Variants in DICER1 observed in about 807,000 individuals in gnomAD.
DICER1 encodes the protein dicer 1, ribonuclease III.
In DICER1, 43 loss-of-function variants were observed where a neutral mutation model predicts 194.1. That is an observed-to-expected ratio of 0.22 (90% CI 0.17 to 0.29). The LOEUF is 0.29. DICER1 is among the 10% of genes least tolerant of loss of function. The pLI is 1.00. For missense variants in DICER1, 1,608 were observed against 2,317.0 expected (o/e 0.69, Z 6.28); for synonymous variants, 832 against 820.5 (o/e 1.01, Z -0.24).
chr14:95,131,794 G>C (rs1164606500), intron 3 of DICER1, among the ~76,000 whole-genome samples, 155 bp from the exon 4 acceptor site: 1 of 152,076 alleles, frequency 6.6e-6, no homozygotes, highest in African/African-American at 2.4e-5. Context: ...ACAGTTCCAA[G>C]GTTATCCTCC....
At chr14:95,133,592 T>C in intron 1 of DICER1, 89 bp from the exon 2 acceptor site, 1 of 988,074 alleles carries the variant, frequency 1.0e-6, no homozygotes, top group South Asian at 1.4e-5. Context: ...CAGAATATCA[T>C]TCCTATGAGC....
chr14:95,143,779 C>T, intron 1 of DICER1, among the ~76,000 whole-genome samples: 1 of 152,068 alleles, frequency 6.6e-6, no homozygotes, highest in East Asian at 1.9e-4. Context: ...GAGCAATTTT[C>T]TGGGTTGGGA....
chr14:95,103,785 T>A lies in DICER1; in HGVS notation c.3611A>T (p.Tyr1204Phe), dbSNP rs1891134568. 1.9e-6 allele frequency: 3 copies of A among 1,614,222 alleles called. No homozygotes were observed. The highest frequency in any genetic ancestry group is 2.5e-6 in the Non-Finnish European group (3 of 1,180,028). ...RDFCQGNQLN[Y>F]YKQEIPVQPT... is the part of the protein sequence containing the mutation. The stretch of plus-strand genomic sequence containing the variant: ...TTGCACGGGTATTTCCTGCTTGTAG[T>A]AATTTAGCTGATTTCCTTGGCAAAA... Residue 1204 changes from tyrosine (Y) to phenylalanine (F), a missense_variant, in exon 21 of 27, where the codon TAC becomes TTC. Physicochemically the swap from Tyr to Phe is conservative, Grantham distance 22. Transcript: ENST00000343455.
At position 95,132,575 on chromosome 14, in the gene DICER1, A is replaced by G; in HGVS notation, c.247T>C (p.Tyr83His). The stretch of plus-strand genomic sequence containing the variant: ...CTGCTGAAGTCTCCCCTGATCTGAT[A>G]GGACAGCTCTTTAGTGAGTAGTACT... Reference protein sequence around the residue: ...IAVLLTKELSYQIRGDFSRNG... With the variant: ...IAVLLTKELSHQIRGDFSRNG... The change falls in exon 3 of 27, where the codon TAT becomes CAT. Residue 83 changes from tyrosine to histidine, a missense_variant. Physicochemically the swap from Tyr to His is moderately conservative, Grantham distance 83 (BLOSUM62 2). Around this residue, in one of 10 missense-constraint regions of DICER1, gnomAD observed 657 missense variants for 910.1 expected, o/e 0.72. Transcript: ENST00000343455. The G allele has an allele frequency of 6.2e-7, 1 of 1,614,048 alleles. No individual in the cohort carries two copies. The highest frequency in any genetic ancestry group is 8.5e-7 in the Non-Finnish European group (1 of 1,179,956).
chr14:95,139,017 T>C (rs1894650895), intron 1 of DICER1, among the ~76,000 whole-genome samples: 1 of 147,406 alleles, frequency 6.8e-6, no homozygotes, highest in Non-Finnish European at 1.5e-5. Context: ...AAAAGAATGC[T>C]ATCCTATTGC....
intron 17 of DICER1, among the ~76,000 whole-genome samples, chr14:95,107,019 C>T (rs183218988): frequency 1.3e-5 from 2 of 152,028 alleles, no homozygotes; most frequent in Non-Finnish European, 1.5e-5. Context: ...GAGAACGGGT[C>T]GACCTTAAGA....
At chr14:95,134,759 C>G (rs913030313) in intron 1 of DICER1, among the ~76,000 whole-genome samples, 3 of 152,192 alleles carry the variant, frequency 2.0e-5, no homozygotes, top group Admixed American at 6.5e-5. Context: ...GCTGAGAGCC[C>G]GGTAAGACAG....
intron 1 of DICER1, among the ~76,000 whole-genome samples, chr14:95,133,708 T>C (rs149573980): frequency 3.3e-5 from 5 of 152,214 alleles, no homozygotes; most frequent in Admixed American, 1.3e-4. Context: ...GCCTAGAAAT[T>C]TGTCTTAAAG....
At chr14:95,114,972 A>C (rs752925388) in intron 11 of DICER1, among the ~76,000 whole-genome samples, 3 of 152,204 alleles carry the variant, frequency 2.0e-5, no homozygotes, top group Non-Finnish European at 4.4e-5. Flanking sequence ...GAGACTAGGA[A>C]GATGTGACAA....
intron 23 of DICER1, chr14:95,095,602 G>C (rs1890233744): frequency 1.7e-6 from 1 of 584,304 alleles, no homozygotes; most frequent in African/African-American, 1.9e-5. Flanking sequence ...ACTGATGAGG[G>C]TATATGATAG....
chr14:95,136,171 T>C (rs1017195863), intron 1 of DICER1, among the ~76,000 whole-genome samples: 1 of 152,056 alleles, frequency 6.6e-6, no homozygotes, highest in African/African-American at 2.4e-5. Flanking sequence ...CATATTTTTG[T>C]CCTATTATTC....
chr14:95,104,437 G>A (rs903063028), intron 20 of DICER1, among the ~76,000 whole-genome samples: 1 of 152,178 alleles, frequency 6.6e-6, no homozygotes, highest in Admixed American at 6.5e-5. Context: ...TGGTTAACCC[G>A]CTGAGTAACT....
intron 15 of DICER1, 22 bp from the exon 16 acceptor site, chr14:95,108,115 G>C (rs1199979435): frequency 2.6e-6 from 4 of 1,558,938 alleles, no homozygotes; most frequent in Non-Finnish European, 3.5e-6. Context: ...GAAATGTAAA[G>C]CACCCCTCAA....
chr14:95,131,320 C>T (rs1270568085), intron 4 of DICER1, among the ~76,000 whole-genome samples, 189 bp downstream of exon 4: 3 of 152,140 alleles, frequency 2.0e-5, no homozygotes, highest in East Asian at 3.8e-4. Context: ...CCACTGCATC[C>T]GGCCTTTATT....
In DICER1 at chr14:95,113,004, C is replaced by G. The variant is rs1892111596; in HGVS notation, c.2040+88G>C. The G allele has an allele frequency of 1.2e-5, 16 of 1,375,820 alleles. No homozygotes were observed. The South Asian group carries it at 1.9e-4, about 16-fold the overall frequency. 85.2% of individuals were successfully genotyped at this position (1,375,820 alleles called of 1,614,324 possible). A position where few individuals can be genotyped will look rare whatever the true frequency, so the allele number is the denominator to read the frequency against. The stretch of plus-strand genomic sequence containing the variant: ...AAAGTAGATTTTAAAATCAAATTTA[C>G]CTATAACTTGCAAGTCTTAGAAAAG... On this transcript the variant is annotated intron_variant, in intron 12 of 26. Transcript: ENST00000343455.
chr14:95,135,858 T>C (rs1894323317), intron 1 of DICER1, among the ~76,000 whole-genome samples: 1 of 152,230 alleles, frequency 6.6e-6, no homozygotes, highest in Non-Finnish European at 1.5e-5. Context: ...ATGAATAATG[T>C]TGCAAAGAAC....
At chr14:95,155,589 C>T (rs1390239857) in intron 1 of DICER1, among the ~76,000 whole-genome samples, 1 of 151,612 alleles carries the variant, frequency 6.6e-6, no homozygotes, top group East Asian at 1.9e-4. Context: ...GGGCAAAATA[C>T]AGCAGAGCAG....
At chr14:95,114,370 A>G (rs905986918) in intron 11 of DICER1, among the ~76,000 whole-genome samples, 3 of 152,228 alleles carry the variant, frequency 2.0e-5, no homozygotes, top group African/African-American at 7.2e-5. Context: ...CAAACAGTAA[A>G]TGATAATGAT....
rs1060504973 is a variant in DICER1 at position 95,105,711 on chromosome 14, C to T, written c.3060G>A (p.Arg1020=). ...KALPLSSAEK[R]KAKWESLQNK... ...TCTGCAGACTTTCCCATTTGGCTTT[C>T]CTCTTCTCAGCACTGCTTAAAGGAA... Residue 1020 remains arginine, a synonymous_variant, in exon 19 of 27, where the codon AGG becomes AGA. Coordinates refer to ENST00000343455, the MANE Select transcript of DICER1 (RefSeq NM_177438.3). This position sits in a 1 kb window ranked among gnomAD's most constrained non-coding sequence, Gnocchi z 4.9. 6.8e-6 allele frequency: 11 copies of T among 1,613,996 alleles called. No individual in the cohort carries two copies. The highest frequency in any genetic ancestry group is 9.3e-6 in the Non-Finnish European group (11 of 1,179,954).
Sources: allele counts gnomAD v4.1 joint callset (sites outside exome capture counted in the v4.1 genomes callset), GRCh38; gene constraint gnomAD v4.1.1; regional missense constraint gnomAD v4.1.1; non-coding constraint Gnocchi (gnomAD v3.1); transcripts MANE v1.5; gene names NCBI Gene and HGNC (gene_info 2026-07-23, HGNC 2026-07-21).